ROBO2: variants seen among roughly 807,000 people sequenced by gnomAD.
The protein encoded by ROBO2 is roundabout homolog 2.
ROBO2 carries 53 observed loss-of-function variants against 160.8 expected under a neutral mutation model. That is an observed-to-expected ratio of 0.33 (90% CI 0.26 to 0.41). The LOEUF (loss-of-function observed/expected upper bound fraction) is 0.41. ROBO2 is among the 10% of genes least tolerant of loss of function. The pLI, the probability that ROBO2 is intolerant of heterozygous loss-of-function variation, is 1.00. For synonymous variants in ROBO2, 664 were observed against 611.7 expected (o/e 1.09, Z -1.26); for missense variants, 1,577 against 1,722.4 (o/e 0.92, Z 1.49).
At chr3:76,328,487 G>A (rs1044213125) in intron 2 of ROBO2, among the ~76,000 whole-genome samples, 14 of 152,202 alleles carry the variant, frequency 9.2e-5, no homozygotes, top group Middle Eastern at 3.4e-3. Context: ...TATTAGTTTG[G>A]AGGCCGAGGC....
intron 2 of ROBO2, among the ~76,000 whole-genome samples, chr3:77,153,246 T>A (rs1403611716): frequency 1.3e-5 from 2 of 152,170 alleles, no homozygotes; most frequent in Non-Finnish European, 2.9e-5. Context: ...AGGACGTTGT[T>A]TTGGTTATGA....
chr3:77,292,339 G>A (rs1435883296), intron 2 of ROBO2, among the ~76,000 whole-genome samples: 10 of 151,114 alleles, frequency 6.6e-5, no homozygotes, highest in African/African-American at 2.4e-4. Context: ...GAACAGTAAA[G>A]ACATAAAGTA....
intron 5 of ROBO2, among the ~76,000 whole-genome samples, chr3:77,500,353 A>G (rs1194010278): frequency 8.5e-5 from 13 of 152,198 alleles, no homozygotes; most frequent in Admixed American, 8.5e-4. Context: ...ATTAATAAGC[A>G]TTAGGGCCAG....
chr3:76,284,685 C>G (rs1008664806), intron 2 of ROBO2, among the ~76,000 whole-genome samples: 1 of 152,086 alleles, frequency 6.6e-6, no homozygotes, highest in African/African-American at 2.4e-5. Context: ...AACTCTTGAT[C>G]ATTTTAAATT....
At position 76,393,794 on chromosome 3, in the gene ROBO2, C is replaced by G. The variant is rs185646566; in HGVS notation, c.109+456192C>G. On this transcript the variant is annotated intron_variant, in intron 2 of 26. Coordinates refer to the ROBO2 transcript ENST00000487694. ...GTCTTTAGGACTCATGTCAGTTCCT[C>G]AGCATGAATCATACAGCATTATTCT... Among the ~76,000 whole-genome samples the G allele has an allele frequency of 1.8e-4, 28 of 152,236 alleles. No individual in the cohort carries two copies. The East Asian group carries it at 5.2e-3, about 28-fold the overall frequency.
At chr3:77,058,162 T>C (rs2065945645) in intron 1 of ROBO2, among the ~76,000 whole-genome samples, 1 of 152,182 alleles carries the variant, frequency 6.6e-6, no homozygotes, top group African/African-American at 2.4e-5. Flanking sequence ...TTCACTAAGC[T>C]TCCAAGTATC....
intron 20 of ROBO2, among the ~76,000 whole-genome samples, chr3:77,607,569 T>C (rs1400429298): frequency 2.0e-5 from 3 of 152,168 alleles, no homozygotes; most frequent in Admixed American, 2.0e-4. Flanking sequence ...AGCAGCCATG[T>C]TTTTGGTTCA....
chr3:76,272,780 A>AATATAT (rs1707544473), intron 2 of ROBO2, among the ~76,000 whole-genome samples: 2 of 23,516 alleles, frequency 8.5e-5, no homozygotes, highest in African/African-American at 1.9e-4. Context: ...TTATATATAA[A>AATATAT]ATATATAAAA....
At chr3:76,567,803 A>C in intron 2 of ROBO2, among the ~76,000 whole-genome samples, 1 of 77,392 alleles carries the variant, frequency 1.3e-5, no homozygotes, top group East Asian at 4.9e-4. Flanking sequence ...GTGTGTATAT[A>C]TATATTTTTT....
At chr3:76,614,875 C>T (rs750966350) in intron 2 of ROBO2, among the ~76,000 whole-genome samples, 1 of 152,022 alleles carries the variant, frequency 6.6e-6, no homozygotes, top group Non-Finnish European at 1.5e-5. Context: ...ATCGGGGTGA[C>T]ATAGGAACTA....
intron 2 of ROBO2, among the ~76,000 whole-genome samples, chr3:76,453,197 A>G (rs1216288266): frequency 1.3e-5 from 2 of 152,106 alleles, no homozygotes; most frequent in African/African-American, 2.4e-5. Context: ...CCATTTGTCA[A>G]TTTTGGCTTT....
rs1017937266 is a variant in ROBO2 at position 77,496,705 on chromosome 3, T to C, written c.806+3323T>C. Among the ~76,000 whole-genome samples, 6 of 152,276 alleles carry C rather than the reference T, an allele frequency of 3.9e-5. No homozygotes were observed. The East Asian group carries it at 1.2e-3, about 29-fold the overall frequency. ...GCCTGTAATTACTATGTAAGTAATA[T>C]GTGACTATTTTTCTTTTGGAGACAA... On this transcript the variant is annotated intron_variant, in intron 5 of 25. Transcript: ENST00000461745.
intron 2 of ROBO2, among the ~76,000 whole-genome samples, chr3:76,373,285 A>G (rs1295109883): frequency 6.6e-6 from 1 of 152,004 alleles, no homozygotes; most frequent in African/African-American, 2.4e-5. Context: ...CTAACCAGGA[A>G]GAGTAGAATG....
intron 2 of ROBO2, among the ~76,000 whole-genome samples, chr3:77,273,297 G>A (rs544889415): frequency 6.6e-6 from 1 of 152,262 alleles, no homozygotes; most frequent in South Asian, 2.1e-4. Context: ...ATTACCCTAA[G>A]CAAATTGAGG....
chr3:76,295,573 A>C (rs184530059), intron 2 of ROBO2, among the ~76,000 whole-genome samples: 94 of 152,318 alleles, frequency 6.2e-4, no homozygotes, highest in African/African-American at 2.2e-3. Context: ...TCGACCTATA[A>C]CGACTCATTG....
chr3:77,342,802 A>G (rs1444972079), intron 2 of ROBO2, among the ~76,000 whole-genome samples: 1 of 152,126 alleles, frequency 6.6e-6, no homozygotes, highest in Non-Finnish European at 1.5e-5. Flanking sequence ...TTATACCTTT[A>G]TGTAATCCAC....
intron 2 of ROBO2, among the ~76,000 whole-genome samples, chr3:77,205,219 C>T (rs982341375): frequency 6.6e-6 from 1 of 151,984 alleles, no homozygotes; most frequent in Admixed American, 6.6e-5. Context: ...CCAGAAGGAT[C>T]GGGTCACACA....
At chr3:76,272,219 A>C (rs936269162) in intron 2 of ROBO2, among the ~76,000 whole-genome samples, 1 of 152,132 alleles carries the variant, frequency 6.6e-6, no homozygotes, top group Non-Finnish European at 1.5e-5. Context: ...AAGCATTATG[A>C]CCCAGGCATA....
intron 2 of ROBO2, among the ~76,000 whole-genome samples, chr3:76,272,088 A>G (rs1707467191): frequency 6.6e-6 from 1 of 152,200 alleles, no homozygotes; most frequent in Non-Finnish European, 1.5e-5. Context: ...CAACATAAAC[A>G]TATAAAAGTA....
Sources: gnomAD v4.1 joint callset for allele counts (sites outside exome capture counted in the v4.1 genomes callset) on GRCh38, gnomAD v4.1.1 for gene constraint, MANE v1.5 for transcripts, NCBI Gene and HGNC (gene_info 2026-07-23, HGNC 2026-07-21) for gene names.